FAM81B: variants seen among roughly 807,000 people sequenced by gnomAD.
The protein encoded by FAM81B is protein FAM81B.
A neutral mutation model predicts 58.7 loss-of-function variants in FAM81B; 60 were observed. The observed-to-expected ratio is 1.02, with a 90% CI of 0.83 to 1.27. The LOEUF is 1.27. Ranked by LOEUF, FAM81B falls within the 50% of genes most tolerant of loss-of-function variation. The pLI is 0.00. For missense variants in FAM81B, 491 were observed against 522.0 expected (o/e 0.94, Z 0.58); for synonymous variants, 189 against 179.6 (o/e 1.05, Z -0.42).
chr5:95,435,817 CTAT>C (rs1745076699), intron 6 of FAM81B, among the ~76,000 whole-genome samples: 1 of 152,038 alleles, frequency 6.6e-6, no homozygotes, highest in Non-Finnish European at 1.5e-5. Context: ...CTGTAATTGC[CTAT>C]TATTATAATA....
chr5:95,435,027 G>C (rs1745046393), intron 6 of FAM81B, among the ~76,000 whole-genome samples: 1 of 152,218 alleles, frequency 6.6e-6, no homozygotes, highest in Admixed American at 6.5e-5. Context: ...GAGAAAGAAG[G>C]CTTTAGGATT....
intron 3 of FAM81B, among the ~76,000 whole-genome samples, chr5:95,413,045 C>T (rs889824151): frequency 6.6e-6 from 1 of 152,130 alleles, no homozygotes; most frequent in Non-Finnish European, 1.5e-5. Context: ...GAATGTTGCT[C>T]AGCTTGTGGA....
rs193015885 is a variant in FAM81B at position 95,433,732 on chromosome 5, A to G, written c.787-3068A>G. On this transcript the variant is annotated intron_variant, in intron 6 of 9. Coordinates refer to ENST00000283357, the MANE Select transcript of FAM81B (RefSeq NM_152548.3). ...AAAGTTCAATCAGTACTTATAGGGAATAACTTACTGGTTAAATCTTCTGAT... is the reference window on the plus strand; with the variant it reads ...AAAGTTCAATCAGTACTTATAGGGAGTAACTTACTGGTTAAATCTTCTGAT... 2.6e-5 allele frequency among the ~76,000 whole-genome samples: 4 copies of G among 152,328 alleles called. No homozygotes were observed. In the East Asian group the frequency reaches 7.7e-4, roughly 29 times the overall value.
At chr5:95,446,502 T>A (rs1745563427) in intron 7 of FAM81B, 60 bp from the exon 8 acceptor site, 1 of 1,434,388 alleles carries the variant, frequency 7.0e-7, no homozygotes. Context: ...ACTTTTTCAA[T>A]ACTAATTTTT....
At chr5:95,394,476 A>C (rs1761911297) in intron 2 of FAM81B, among the ~76,000 whole-genome samples, 1 of 152,164 alleles carries the variant, frequency 6.6e-6, no homozygotes, top group Admixed American at 6.5e-5. Context: ...GGAGGAAAGA[A>C]CTGGCAATGA....
Position 95,414,303 on chromosome 5 carries a change from C to T in FAM81B, c.537+113C>T, listed in dbSNP as rs1284447392. 1.0e-5 allele frequency: 12 copies of T among 1,183,500 alleles called. 1 individual carries two copies. The East Asian group carries it at 2.5e-4, about 24-fold the overall frequency. The allele number at this position is 1,183,500 out of a possible 1,614,324, so 73.3% of individuals were successfully genotyped here. ...CAAGTGCAGAAATATATCACTATTG[C>T]TTAAGTTTAGATGATTACATTTTAG... On this transcript the variant is annotated intron_variant, in intron 4 of 9. Transcript: ENST00000283357.
rs1266614838 is a variant in FAM81B, at chr5:95,436,008, C to T, written c.787-792C>T. Among the ~76,000 whole-genome samples, 6 of 152,256 alleles carry T rather than the reference C, an allele frequency of 3.9e-5. No individual in the cohort carries two copies. In the East Asian group the frequency reaches 9.6e-4, roughly 24 times the overall value. ...CTCATTTTATTAAATGCCCACTCTC[C>T]TCCATATGACCGTCTTTATTAGGAG... On this transcript the variant is annotated intron_variant, in intron 6 of 9. Coordinates refer to ENST00000283357, the MANE Select transcript of FAM81B (RefSeq NM_152548.3).
At chr5:95,434,441 G>T (rs1405539348) in intron 6 of FAM81B, among the ~76,000 whole-genome samples, 1 of 152,150 alleles carries the variant, frequency 6.6e-6, no homozygotes, top group East Asian at 1.9e-4. Context: ...ACCTTCTGCT[G>T]CATCCCTCTC....
intron 8 of FAM81B, among the ~76,000 whole-genome samples, chr5:95,446,960 A>AC (rs1349786342): frequency 1.7e-4 from 25 of 151,442 alleles, no homozygotes; most frequent in African/African-American, 6.1e-4. Flanking sequence ...TTAAAAAAAA[A>AC]AAAATAGATT....
At chr5:95,423,005 G>A (rs1003552607) in intron 5 of FAM81B, among the ~76,000 whole-genome samples, 1 of 152,168 alleles carries the variant, frequency 6.6e-6, no homozygotes, top group Non-Finnish European at 1.5e-5. Context: ...TAACGGCCAT[G>A]AGACTTAAAT....
At chr5:95,446,487 T>C (rs1346636575) in intron 7 of FAM81B, 75 bp from the exon 8 acceptor site, 6 of 1,377,258 alleles carry the variant, frequency 4.4e-6, no homozygotes, top group Admixed American at 2.7e-5. Context: ...CTCAAAAAAC[T>C]GCAGACTTTT....
intron 5 of FAM81B, among the ~76,000 whole-genome samples, chr5:95,425,373 A>G (rs1762797768): frequency 6.6e-6 from 1 of 152,186 alleles, no homozygotes; most frequent in Non-Finnish European, 1.5e-5. Flanking sequence ...AGTCTCATAA[A>G]AAAGGAAAGA....
chr5:95,436,428 C>T (rs1008760858), intron 6 of FAM81B, among the ~76,000 whole-genome samples: 9 of 152,036 alleles, frequency 5.9e-5, no homozygotes, highest in African/African-American at 1.7e-4. Context: ...AATAGCATAC[C>T]ATATCTTGTA....
chr5:95,410,843 G>T (rs1762386901), intron 3 of FAM81B: 1 of 152,106 alleles, frequency 6.6e-6, no homozygotes, highest in African/African-American at 2.4e-5. Flanking sequence ...TAAGTTACAG[G>T]TGACCTAGAG....
rs181061714 is a variant in FAM81B, at chr5:95,414,034, C to T, written c.381C>T (p.Phe127=). 91 of 1,614,088 alleles carry T rather than the reference C, an allele frequency of 5.6e-5. No individual in the cohort carries two copies. The highest frequency in any genetic ancestry group is 2.7e-4 in the Admixed American group (16 of 59,996). ...RLNNQARTIA[F]LLEQAFRIKE... is the part of the protein sequence containing the mutation. ...ACAACCAGGCGCGTACCATAGCTTT[C>T]CTTCTTGAACAAGCCTTCCGCATCA... The change falls in exon 4 of 10, where the codon TTC becomes TTT. Residue 127 remains phenylalanine, a synonymous_variant. Transcript: ENST00000283357.
chr5:95,420,659 C>T (rs1275202959), intron 5 of FAM81B, among the ~76,000 whole-genome samples: 1 of 152,186 alleles, frequency 6.6e-6, no homozygotes, highest in Non-Finnish European at 1.5e-5. Context: ...CAGCCTCAAC[C>T]GTCCAAATGC....
At chr5:95,426,997 C>T (rs1167863314) in intron 5 of FAM81B, among the ~76,000 whole-genome samples, 1 of 151,908 alleles carries the variant, frequency 6.6e-6, no homozygotes, top group Non-Finnish European at 1.5e-5. Flanking sequence ...TGCAGTGAGC[C>T]GAGATTGTGC....
At chr5:95,392,975 TTA>T in intron 2 of FAM81B, 78 bp downstream of exon 2, 1 of 1,269,578 alleles carries the variant, frequency 7.9e-7, no homozygotes, top group Non-Finnish European at 1.1e-6. Flanking sequence ...CTTAGAGAGT[TTA>T]AGAAGTTCTG....
intron 3 of FAM81B, among the ~76,000 whole-genome samples, chr5:95,406,554 A>G (rs572787493): frequency 6.6e-6 from 1 of 152,284 alleles, no homozygotes; most frequent in South Asian, 2.1e-4. Context: ...CAGTTCTCAG[A>G]GAAAGCTAAC....
Sources: allele counts gnomAD v4.1 joint callset (sites outside exome capture counted in the v4.1 genomes callset), GRCh38; gene constraint gnomAD v4.1.1; transcripts MANE v1.5; gene names NCBI Gene and HGNC (gene_info 2026-07-23, HGNC 2026-07-21).